The following PKHD1 variants were observed in gnomAD, a reference collection of about 807,000 sequenced individuals.
PKHD1 encodes the protein PKHD1 ciliary IPT domain containing fibrocystin/polyductin.
A neutral mutation model predicts 412.0 loss-of-function variants in PKHD1; 291 were observed. The observed-to-expected ratio is 0.71, with a 90% CI of 0.64 to 0.78. PKHD1 has a LOEUF of 0.78. Among genes scored for constraint, PKHD1 ranks in the 30% least tolerant of loss-of-function variants. The pLI is 0.00. For synonymous variants in PKHD1, 1,777 were observed against 1,821.5 expected (o/e 0.98, Z 0.62); for missense variants, 4,825 against 4,950.7 (o/e 0.97, Z 0.76).
intron 45 of PKHD1, among the ~76,000 whole-genome samples, chr6:51,885,031 T>C (rs1182741204): frequency 1.3e-5 from 2 of 152,236 alleles, no homozygotes; most frequent in South Asian, 2.1e-4. Flanking sequence ...AATGTTTGAC[T>C]TTCTTATTGT....
In PKHD1 at chr6:51,830,987, A is replaced by T. The variant is rs1257039921; in HGVS notation, c.8176T>A (p.Ser2726Thr). ...KEGMPPTISA[S>T]TSAPESALKW... ...AAAGCTGATTCAGGGGCAGAGGTAG[A>T]AGCTAGAAAATAAAAAAAAATTTTG... The change falls in exon 52 of 67, where the codon TCT (serine) becomes ACT (threonine). Residue 2726 changes from serine to threonine, a missense_variant and splice_region_variant. Transcript: ENST00000371117. The T allele has an allele frequency of 1.2e-6, 2 of 1,611,204 alleles. No individual in the cohort carries two copies. Among genetic ancestry groups the T allele is most frequent in the Middle Eastern group, 1.7e-4 (1 of 6,054 alleles).
intron 35 of PKHD1, among the ~76,000 whole-genome samples, chr6:51,982,211 A>T (rs1227712642): frequency 3.9e-5 from 1 of 25,844 alleles, no homozygotes; most frequent in African/African-American, 1.0e-4. Flanking sequence ...CCGCCCGGCC[A>T]GCCGCCCCAT....
intron 65 of PKHD1, among the ~76,000 whole-genome samples, chr6:51,628,654 T>C (rs113295251): frequency 0.011 from 1,628 of 152,262 alleles, 36 homozygotes; most frequent in African/African-American, 0.037. Context: ...CTCCAAACTG[T>C]TTTGCATAGT....
Position 52,024,998 on chromosome 6 carries a change from C to A in PKHD1, c.4812G>T (p.Thr1604=), listed in dbSNP as rs780533224. 6.2e-7 allele frequency: 1 copy of A among 1,614,188 alleles called. No individual in the cohort carries two copies. The highest frequency in any genetic ancestry group is 1.7e-5 in the Admixed American group (1 of 60,024). The part of the protein sequence containing the change: ...EGTGLRGQNT[T]SVYIDQQTCL... ...AGGTCTGCTGGTCAATATAGACTGA[C>A]GTGGTGTTCTGTCCTCTCAGGCCTG... Residue 1604 remains threonine (T), a synonymous_variant, in exon 32 of 67, where the codon ACG becomes ACT. Coordinates refer to ENST00000371117, the MANE Select transcript of PKHD1 (RefSeq NM_138694.4).
chr6:51,825,059 G>A (rs1362583523), intron 52 of PKHD1, among the ~76,000 whole-genome samples: 1 of 152,190 alleles, frequency 6.6e-6, no homozygotes, highest in African/African-American at 2.4e-5. Context: ...AGCCAACAGA[G>A]TCTAAATAAA....
In PKHD1 at chr6:51,748,205, T is replaced by A. The variant is rs755275674; in HGVS notation, c.9411A>T (p.Gly3137=). Reference sequence around the variant, plus strand: ...CAGAGATTCTGGTACAGTTGTCAAGTCCACTTTCCTTATAGAGATGAAGGC... The same window carrying A: ...CAGAGATTCTGGTACAGTTGTCAAGACCACTTTCCTTATAGAGATGAAGGC... ...LHGLHLYKES[G]LDNCTRISGF... is the part of the protein sequence containing the mutation. The change falls in exon 58 of 67, where the codon GGA becomes GGT. Residue 3137 remains glycine, a synonymous_variant. Transcript: ENST00000371117. 2 of 1,614,084 alleles carry A rather than the reference T, an allele frequency of 1.2e-6. No homozygotes were observed. The highest frequency in any genetic ancestry group is 1.7e-6 in the Non-Finnish European group (2 of 1,179,954).
At chr6:51,891,485 G>A (rs1779113960) in intron 43 of PKHD1, among the ~76,000 whole-genome samples, 1 of 151,918 alleles carries the variant, frequency 6.6e-6, no homozygotes, top group African/African-American at 2.4e-5. Context: ...CTCCATGTTG[G>A]TCAAGCTGGT....
intron 43 of PKHD1, among the ~76,000 whole-genome samples, chr6:51,896,251 C>T (rs936848169): frequency 1.3e-5 from 2 of 152,000 alleles, no homozygotes; most frequent in African/African-American, 2.4e-5. Flanking sequence ...CCTCTGCAGA[C>T]TTAAATGTCC....
intron 60 of PKHD1, among the ~76,000 whole-genome samples, chr6:51,733,469 G>A (rs887050967): frequency 3.3e-5 from 5 of 151,160 alleles, no homozygotes; most frequent in African/African-American, 1.2e-4. Flanking sequence ...CCCAGGAGGC[G>A]GAGCTTGCAG....
rs145060184 is a variant in PKHD1 at position 52,042,939 on chromosome 6, A to G, written c.3017T>C (p.Ile1006Thr). 6.2e-7 allele frequency: 1 copy of G among 1,613,718 alleles called. No homozygotes were observed. Among genetic ancestry groups the G allele is most frequent in the Non-Finnish European group, 8.5e-7 (1 of 1,179,726 alleles). The change falls in exon 27 of 67, where the codon ATC (isoleucine) becomes ACC (threonine). Residue 1006 changes from isoleucine (I) to threonine (T), a missense_variant. By Grantham distance (89) the Ile-to-Thr change is moderately conservative. Coordinates refer to ENST00000371117, the MANE Select transcript of PKHD1 (RefSeq NM_138694.4). ...LMLVRPSGLA[I>T]SATGEDLFLN... is the part of the protein sequence containing the mutation. ...GAAGAGGTCTTCTCCAGTGGCACTG[A>G]TGGCAAGACCAGAGGGTCTCACCAA... is the stretch of plus-strand genomic sequence containing the variant.
At chr6:51,864,913 C>T (rs1774805100) in intron 48 of PKHD1, among the ~76,000 whole-genome samples, 1 of 151,582 alleles carries the variant, frequency 6.6e-6, no homozygotes, top group Non-Finnish European at 1.5e-5. Flanking sequence ...GTACTTGTTT[C>T]GTGTAATTAT....
chr6:52,003,600 G>A (rs1313165383), intron 35 of PKHD1, among the ~76,000 whole-genome samples: 1 of 151,950 alleles, frequency 6.6e-6, no homozygotes. Context: ...CCTCTTTATT[G>A]CGGTATGTTT....
intron 35 of PKHD1, among the ~76,000 whole-genome samples, chr6:51,964,564 C>CTTGCTT (rs1009470486): frequency 3.9e-5 from 6 of 152,110 alleles, no homozygotes; most frequent in African/African-American, 1.2e-4. Flanking sequence ...ACAAGAGTGT[C>CTTGCTT]TTGCTTTTCT....
At chr6:52,033,586 T>C (rs563305952) in intron 28 of PKHD1, among the ~76,000 whole-genome samples, 32 of 152,004 alleles carry the variant, frequency 2.1e-4, no homozygotes, top group African/African-American at 7.7e-4. Flanking sequence ...GACACACTCT[T>C]TCATAGGATG....
At position 52,017,627 on chromosome 6, in the gene PKHD1, A is replaced by G; in HGVS notation, c.5383T>C (p.Ser1795Pro). Reference protein sequence around the residue: ...FSCLVLPLDVSLAFLCGLKRE... With the variant: ...FSCLVLPLDVPLAFLCGLKRE... ...TTCAGGCCACACAGGAAGGCCAAGG[A>G]CACTGCAGGAAACAGTCACCATTAG... The change falls in exon 34 of 67, where the codon TCC becomes CCC. Residue 1795 changes from serine to proline, a missense_variant and splice_region_variant. Coordinates refer to ENST00000371117, the MANE Select transcript of PKHD1 (RefSeq NM_138694.4). 6.2e-7 allele frequency: 1 copy of G among 1,612,246 alleles called. No individual in the cohort carries two copies. Among genetic ancestry groups the G allele is most frequent in the Non-Finnish European group, 8.5e-7 (1 of 1,178,940 alleles).
chr6:51,676,661 G>A (rs149580382), intron 60 of PKHD1, among the ~76,000 whole-genome samples: 230 of 152,256 alleles, frequency 1.5e-3, no homozygotes, highest in African/African-American at 5.4e-3. Context: ...AGTGAAGACA[G>A]GTTGAATTTA....
At position 51,939,389 on chromosome 6, in the gene PKHD1, C is replaced by T. The variant is rs554156895; in HGVS notation, c.5909-5067G>A. The stretch of plus-strand genomic sequence containing the variant: ...CTCTACTCTCTCTTTTCTCTTGGCT[C>T]GCCTCCTTCACTATGGGCAGCCTTC... On this transcript the variant is annotated intron_variant, in intron 36 of 66. Transcript: ENST00000371117. Among the ~76,000 whole-genome samples, 175 of 151,440 alleles carry T rather than the reference C, an allele frequency of 1.2e-3. 4 individuals carry two copies. The highest frequency in any genetic ancestry group is 1.7e-3 in the Non-Finnish European group (116 of 67,664).
At chr6:51,947,672 C>T (rs1789672948) in intron 36 of PKHD1, among the ~76,000 whole-genome samples, 1 of 152,162 alleles carries the variant, frequency 6.6e-6, no homozygotes, top group Non-Finnish European at 1.5e-5. Context: ...CTTGGTGGGT[C>T]CCAAGCCTCA....
At chr6:51,933,833 A>T (rs766047538) in intron 37 of PKHD1, among the ~76,000 whole-genome samples, 2 of 152,340 alleles carry the variant, frequency 1.3e-5, no homozygotes, top group Middle Eastern at 6.8e-3. Flanking sequence ...GGGGCCGGGA[A>T]GTATGGTCCA....
Sources: allele counts gnomAD v4.1 joint callset (sites outside exome capture counted in the v4.1 genomes callset), GRCh38; gene constraint gnomAD v4.1.1; transcripts MANE v1.5; gene names NCBI Gene and HGNC (gene_info 2026-07-23, HGNC 2026-07-21).